The following SHISA9 variants were observed in gnomAD, a reference collection of about 807,000 sequenced individuals.
SHISA9 encodes the protein protein shisa-9.
Under a neutral mutation model 38.0 loss-of-function variants are expected in SHISA9, and 13 were observed. That is an observed-to-expected ratio of 0.34 (90% CI 0.22 to 0.54). The LOEUF is 0.54. SHISA9 is among the 20% of genes least tolerant of loss of function. The pLI, the probability that SHISA9 is intolerant of heterozygous loss-of-function variation, is 0.91. For missense variants in SHISA9, 538 were observed against 575.8 expected, an observed-to-expected ratio of 0.93 and a Z score of 0.67; for synonymous variants, 275 against 242.0, an observed-to-expected ratio of 1.14 and a Z score of -1.27.
chr16:13,518,913 A>T, the SHISA9 span, among the ~76,000 whole-genome samples: 2 of 152,128 alleles, frequency 1.3e-5, no homozygotes, highest in African/African-American at 4.8e-5. Context: ...AGAGAGAGGA[A>T]AAAAGGGGGT....
At chr16:12,943,320 TGTGTGTGTGTGAGAGAGA>T (rs2071642463) in intron 2 of SHISA9, among the ~76,000 whole-genome samples, 1 of 23,630 alleles carries the variant, frequency 4.2e-5, no homozygotes, top group Non-Finnish European at 8.4e-5. Context: ...TGTGTGTGTG[TGTGTGTGTGTGAGAGAGA>T]GAGAGAGAGA....
chr16:13,287,149 A>C, the SHISA9 span, among the ~76,000 whole-genome samples: 1 of 152,194 alleles, frequency 6.6e-6, no homozygotes, highest in East Asian at 1.9e-4. Flanking sequence ...CCCTACAATA[A>C]GATTAATAAC....
chr16:13,038,205 G>C (rs2073096336), intron 2 of SHISA9, among the ~76,000 whole-genome samples: 1 of 152,216 alleles, frequency 6.6e-6, no homozygotes, highest in Non-Finnish European at 1.5e-5. Flanking sequence ...GCCCAGGCTG[G>C]TCTCGAACTC....
At chr16:13,501,393 A>G in the SHISA9 span, among the ~76,000 whole-genome samples, 1 of 152,190 alleles carries the variant, frequency 6.6e-6, no homozygotes, top group Non-Finnish European at 1.5e-5. Flanking sequence ...GGATGGAGCC[A>G]TGAAAGGAGT....
chr16:13,375,921 T>C, the SHISA9 span, among the ~76,000 whole-genome samples: 6 of 152,154 alleles, frequency 3.9e-5, no homozygotes, highest in African/African-American at 1.4e-4. Flanking sequence ...AGGCTGATCC[T>C]AAAATTTATA....
At chr16:13,019,805 TTTC>T (rs1450486356) in intron 2 of SHISA9, among the ~76,000 whole-genome samples, 1 of 142,126 alleles carries the variant, frequency 7.0e-6, no homozygotes, top group Non-Finnish European at 1.5e-5. Context: ...TCTTTCTTTC[TTTC>T]TTTCTTTCTT....
the SHISA9 span, among the ~76,000 whole-genome samples, chr16:13,384,474 A>T: frequency 1.3e-5 from 2 of 152,098 alleles, no homozygotes; most frequent in South Asian, 4.1e-4. Flanking sequence ...AGCATATGGC[A>T]TGAGAATCTG....
At chr16:13,178,365 G>T (rs757039835) in intron 2 of SHISA9, among the ~76,000 whole-genome samples, 10 of 147,100 alleles carry the variant, frequency 6.8e-5, no homozygotes, top group African/African-American at 1.3e-4. Flanking sequence ...AATTTTTAAT[G>T]GGACTGAAAG....
At chr16:13,068,523 G>A (rs2073460844) in intron 2 of SHISA9, among the ~76,000 whole-genome samples, 2 of 152,200 alleles carry the variant, frequency 1.3e-5, no homozygotes, top group Non-Finnish European at 2.9e-5. Context: ...GTTTAGGAGT[G>A]GCCTGGAGTT....
the SHISA9 span, among the ~76,000 whole-genome samples, chr16:13,314,735 T>C: frequency 6.6e-6 from 1 of 152,224 alleles, no homozygotes; most frequent in Admixed American, 6.5e-5. Context: ...TCTCTTTTTT[T>C]TCTTTGTGGT....
chr16:13,107,590 T>G (rs1019913809), intron 2 of SHISA9, among the ~76,000 whole-genome samples: 2 of 151,326 alleles, frequency 1.3e-5, no homozygotes, highest in Non-Finnish European at 2.9e-5. Context: ...GGTCCAGAAT[T>G]TACAGGGAAG....
the SHISA9 span, among the ~76,000 whole-genome samples, chr16:13,398,586 C>T: frequency 4.0e-5 from 6 of 151,684 alleles, no homozygotes; most frequent in African/African-American, 1.2e-4. Context: ...CTGCAACCTC[C>T]GCCCCCCACC....
chr16:13,086,110 C>T (rs1270357186), intron 2 of SHISA9, among the ~76,000 whole-genome samples: 1 of 152,052 alleles, frequency 6.6e-6, no homozygotes, highest in Non-Finnish European at 1.5e-5. Flanking sequence ...GTAATCCCAG[C>T]ACTTTGGGAG....
intron 2 of SHISA9, among the ~76,000 whole-genome samples, chr16:13,034,681 C>A (rs984806371): frequency 6.6e-6 from 1 of 152,062 alleles, no homozygotes; most frequent in Non-Finnish European, 1.5e-5. Context: ...TTGGTCTAGC[C>A]TTGTGATTTG....
intron 2 of SHISA9, among the ~76,000 whole-genome samples, chr16:13,178,898 C>T (rs761127715): frequency 5.3e-5 from 8 of 152,106 alleles, no homozygotes; most frequent in Non-Finnish European, 1.2e-4. Flanking sequence ...TAATAATATC[C>T]ATAATTCTAG....
At chr16:13,452,019 A>G in the SHISA9 span, among the ~76,000 whole-genome samples, 15 of 152,328 alleles carry the variant, frequency 9.8e-5, no homozygotes, top group Admixed American at 9.1e-4. Context: ...TGTTTCATCA[A>G]GTTAGTTTTC....
the SHISA9 span, among the ~76,000 whole-genome samples, chr16:13,268,682 G>C: frequency 6.6e-6 from 1 of 151,928 alleles, no homozygotes; most frequent in East Asian, 1.9e-4. Flanking sequence ...TTAGTGTAGT[G>C]GGCACAATTT....
the SHISA9 span, among the ~76,000 whole-genome samples, chr16:13,259,805 C>G: frequency 6.6e-6 from 1 of 151,902 alleles, no homozygotes; most frequent in Non-Finnish European, 1.5e-5. Context: ...CATGGGCACC[C>G]TGGGCCCAGC....
chr16:13,545,843 CA>C, the SHISA9 span, among the ~76,000 whole-genome samples: 12 of 152,290 alleles, frequency 7.9e-5, no homozygotes, highest in East Asian at 2.3e-3. Flanking sequence ...CCAATCAGAG[CA>C]GCTCATTCAA....
Sources: gnomAD v4.1 joint callset for allele counts (sites outside exome capture counted in the v4.1 genomes callset) on GRCh38, gnomAD v4.1.1 for gene constraint, MANE v1.5 for transcripts, NCBI Gene and HGNC (gene_info 2026-07-23, HGNC 2026-07-21) for gene names.